Variants in TNS1 observed in about 807,000 individuals in gnomAD.
TNS1 encodes tensin-1.
In TNS1, 62 loss-of-function variants were observed where a neutral mutation model predicts 168.6. The observed-to-expected ratio is 0.37, with a 90% CI of 0.30 to 0.45. TNS1 has a LOEUF of 0.45. Ranked by LOEUF, TNS1 falls within the 20% of genes least tolerant of loss-of-function variation. TNS1 has a pLI of 1.00. For synonymous variants in TNS1, 934 were observed against 933.2 expected (o/e 1.00, Z -0.02); for missense variants, 2,240 against 2,339.4 (o/e 0.96, Z 0.88).
chr2:217,961,660 G>A (rs551903676), intron 3 of TNS1, among the ~76,000 whole-genome samples: 1 of 152,310 alleles, frequency 6.6e-6, no homozygotes, highest in South Asian at 2.1e-4. Context: ...GGACCTGAAT[G>A]ATACACTTTC....
At chr2:217,862,504 T>C (rs957928094) in intron 18 of TNS1, among the ~76,000 whole-genome samples, 1 of 152,148 alleles carries the variant, frequency 6.6e-6, no homozygotes, top group Non-Finnish European at 1.5e-5. Flanking sequence ...TCTGGAAACT[T>C]CTCAGGTGCC....
intron 2 of TNS1, chr2:217,987,124 GC>G (rs1255961993): frequency 3.9e-5 from 6 of 152,160 alleles, no homozygotes; most frequent in Non-Finnish European, 8.8e-5. Context: ...GAGAAGCAGG[GC>G]CAGAAGTAGA....
intron 22 of TNS1, among the ~76,000 whole-genome samples, chr2:217,831,089 A>G (rs533337082): frequency 6.6e-6 from 1 of 152,064 alleles, no homozygotes; most frequent in East Asian, 1.9e-4. Context: ...GTGTGTGTGT[A>G]CATGTGTGTG....
chr2:217,870,208 G>A (rs1285298357), intron 18 of TNS1, among the ~76,000 whole-genome samples: 5 of 152,174 alleles, frequency 3.3e-5, no homozygotes, highest in Non-Finnish European at 7.3e-5. Flanking sequence ...GCACTTGCCC[G>A]AGCCCCTTAC....
At chr2:217,944,389 G>A (rs552224872) in intron 3 of TNS1, among the ~76,000 whole-genome samples, 9 of 152,310 alleles carry the variant, frequency 5.9e-5, no homozygotes, top group African/African-American at 1.9e-4. Flanking sequence ...GGGCAGGGAG[G>A]GGTCAAGACT....
At chr2:217,913,085 C>T (rs1271228692) in intron 4 of TNS1, among the ~76,000 whole-genome samples, 1 of 152,124 alleles carries the variant, frequency 6.6e-6, no homozygotes, top group Admixed American at 6.5e-5. Flanking sequence ...AAGTGGGAGC[C>T]GATGGGTGAG....
chr2:217,882,018 C>T (rs931878670), intron 17 of TNS1: 1 of 240,732 alleles, frequency 4.2e-6, no homozygotes, highest in African/African-American at 2.3e-5. Context: ...CTATCCAGCA[C>T]CTTTGTGTGC....
rs538107539 is a variant in TNS1 at position 217,813,159 on chromosome 2, G to A, written c.4954+56C>T. 50 of 1,380,246 alleles carry A rather than the reference G, an allele frequency of 3.6e-5. 1 individual carries two copies. The South Asian group carries it at 5.8e-4, about 16-fold the overall frequency. 85.5% of individuals were successfully genotyped at this position (1,380,246 alleles called of 1,614,324 possible). ...GGGGTCAGACCCCTGGAGGAACCCAGGACAGGACCAAGACTCAGGCCAGAC... is the reference window on the plus strand; with the variant it reads ...GGGGTCAGACCCCTGGAGGAACCCAAGACAGGACCAAGACTCAGGCCAGAC... On this transcript the variant is annotated intron_variant, in intron 27 of 32. Transcript: ENST00000682258. This position sits in a 1 kb window ranked among gnomAD's most constrained non-coding sequence, Gnocchi z 4.0.
chr2:217,952,028 C>T (rs1359535348), intron 3 of TNS1, among the ~76,000 whole-genome samples: 6 of 152,248 alleles, frequency 3.9e-5, no homozygotes, highest in African/African-American at 1.4e-4. Context: ...GCCAGATGGG[C>T]CCCTGCCCTC....
At chr2:217,886,163 G>A in intron 13 of TNS1, 59 bp from the exon 14 acceptor site, 1 of 1,567,708 alleles carries the variant, frequency 6.4e-7, no homozygotes, top group Non-Finnish European at 8.8e-7. Context: ...AGGAGGGGCA[G>A]AGGAGACAGT....
chr2:218,002,816 C>G (rs746312111), intron 1 of TNS1, 24 bp downstream of exon 1: 10 of 456,548 alleles, frequency 2.2e-5, no homozygotes, highest in Non-Finnish European at 4.4e-5. Context: ...AGAGTAACGT[C>G]GCAGCTAAAG....
chr2:217,809,437 A>G (rs1474076546), intron 30 of TNS1, among the ~76,000 whole-genome samples: 2 of 103,830 alleles, frequency 1.9e-5, no homozygotes, highest in African/African-American at 7.9e-5. Context: ...GGATGGATGG[A>G]TGGATGGATG....
At chr2:218,014,359 A>G (rs534136708), upstream of TNS1, among the ~76,000 whole-genome samples, 4 of 152,228 alleles carry the variant, frequency 2.6e-5, no homozygotes, top group African/African-American at 4.8e-5. Context: ...GAGTCCTCCC[A>G]TGATTCCCAA....
At chr2:218,012,383 C>T (rs1354588939), upstream of TNS1, among the ~76,000 whole-genome samples, 1 of 152,150 alleles carries the variant, frequency 6.6e-6, no homozygotes, top group African/African-American at 2.4e-5. Flanking sequence ...AGACACTCAA[C>T]AAACAGAAGG....
intron 1 of TNS1, among the ~76,000 whole-genome samples, chr2:218,019,750 T>C (rs1958791599): frequency 6.6e-6 from 1 of 152,160 alleles, no homozygotes; most frequent in African/African-American, 2.4e-5. Flanking sequence ...AGGATCTAAC[T>C]CCAGTGCCTC....
chr2:217,813,233 G>A lies in TNS1; in HGVS notation c.4936C>T (p.Pro1646Ser), dbSNP rs1162028845. The A allele has an allele frequency of 3.7e-6, 6 of 1,603,162 alleles. No individual in the cohort carries two copies. The highest frequency in any genetic ancestry group is 3.4e-5 in the Admixed American group (2 of 59,014). The change falls in exon 27 of 33, where the codon CCC becomes TCC. Residue 1646 changes from proline to serine, a missense_variant. Physicochemically the swap from Pro to Ser is moderately conservative, Grantham distance 74. Around this residue, in one of 2 missense-constraint regions of TNS1, gnomAD observed 2,131 missense variants for 2,171.2 expected, o/e 0.98. Transcript: ENST00000682258. The surrounding 1 kb of genome is among the most constrained non-coding windows in gnomAD (Gnocchi z 4.0). Reference protein sequence around the residue: ...GPRGVKLKGCPNEPNFGSLSA... With the variant: ...GPRGVKLKGCSNEPNFGSLSA... ...AGCTCACCGAAGTTTGGCTCATTGG[G>A]GCAGCCCTTGAGCTTGACTCCTCTG...
At chr2:217,859,458 C>T (rs1250115190) in intron 18 of TNS1, 5 of 602,246 alleles carry the variant, frequency 8.3e-6, no homozygotes, top group East Asian at 2.8e-5. Flanking sequence ...TCCTGCACTT[C>T]CCAGAGGTGA....
intron 18 of TNS1, among the ~76,000 whole-genome samples, chr2:217,851,989 C>CA (rs1431868232): frequency 6.6e-6 from 1 of 152,074 alleles, no homozygotes; most frequent in Non-Finnish European, 1.5e-5. Context: ...ACTAAAAATA[C>CA]AAAAAATTAG....
At chr2:217,927,354 GGA>G (rs1956086482) in intron 3 of TNS1, among the ~76,000 whole-genome samples, 1 of 152,182 alleles carries the variant, frequency 6.6e-6, no homozygotes, top group African/African-American at 2.4e-5. Flanking sequence ...AAGGGAAGAA[GGA>G]TGGCACAACG....
Sources: allele counts gnomAD v4.1 joint callset (sites outside exome capture counted in the v4.1 genomes callset), GRCh38; gene constraint gnomAD v4.1.1; regional missense constraint gnomAD v4.1.1; non-coding constraint Gnocchi (gnomAD v3.1); transcripts MANE v1.5; gene names NCBI Gene and HGNC (gene_info 2026-07-23, HGNC 2026-07-21).